SAMD3: variants seen among roughly 807,000 people sequenced by gnomAD.
SAMD3 encodes sterile alpha motif domain-containing protein 3.
In SAMD3, 63 loss-of-function variants were observed where a neutral mutation model predicts 58.5. That is an observed-to-expected ratio of 1.08 (90% CI 0.88 to 1.33). The LOEUF (loss-of-function observed/expected upper bound fraction) is 1.33, where lower values mean the gene tolerates loss of function less well. SAMD3 is among the 40% of genes most tolerant of loss of function. The pLI, the probability that SAMD3 is intolerant of heterozygous loss-of-function variation, is 0.00. For missense variants in SAMD3, 604 were observed against 608.4 expected, an observed-to-expected ratio of 0.99 and a Z score of 0.08; for synonymous variants, 220 against 210.3, an observed-to-expected ratio of 1.05 and a Z score of -0.40.
chr6:130,181,462 A>G (rs975004210), intron 7 of SAMD3, among the ~76,000 whole-genome samples: 3 of 152,202 alleles, frequency 2.0e-5, no homozygotes, highest in African/African-American at 7.2e-5. Flanking sequence ...CTTCTACTCT[A>G]TGAGTGCAAA....
rs147287821 is a variant in SAMD3, at chr6:130,176,243, A to G, written c.655-235T>C. On this transcript the variant is annotated intron_variant, in intron 7 of 11. Coordinates refer to ENST00000439090, the MANE Select transcript of SAMD3 (RefSeq NM_001017373.4). ...GGTAAGCAGACAAAGTCACAGAAAT[A>G]TAAATCTTTTCCCAATGTCATATGG... is the stretch of plus-strand genomic sequence containing the variant. The G allele has an allele frequency of 7.2e-4, 399 of 553,650 alleles. 2 individuals carry two copies. Among genetic ancestry groups the G allele is most frequent in the African/African-American group, 6.9e-3 (363 of 52,834 alleles). The allele number at this position is 553,650 out of a possible 1,614,324, so 34.3% of individuals were successfully genotyped here. A position where few individuals can be genotyped will look rare whatever the true frequency, so the allele number is the denominator to read the frequency against.
upstream of SAMD3, chr6:130,365,442 T>C (rs1583161899): frequency 1.0e-6 from 1 of 985,514 alleles, no homozygotes. Context: ...AGGTTTGGTT[T>C]AGCTCGCGCA....
rs9492517 is a variant in SAMD3, at chr6:130,265,404, G to A, written c.-187-42591C>T. Among the ~76,000 whole-genome samples the A allele has an allele frequency of 9.1e-3, 1,392 of 152,204 alleles. 19 individuals are homozygous for A. Among genetic ancestry groups the A allele is most frequent in the African/African-American group, 0.031 (1,303 of 41,520 alleles). ...CCTGGAAGCTGACTGGTCCATGCAC[G>A]GCCGAAGCATGAGGAAACTCATCAC... On this transcript the variant is annotated intron_variant, in intron 2 of 13. Coordinates refer to the SAMD3 transcript ENST00000368134.
intron 2 of SAMD3, among the ~76,000 whole-genome samples, chr6:130,234,971 C>G (rs1020939737): frequency 1.3e-5 from 2 of 152,034 alleles, no homozygotes; most frequent in Admixed American, 1.3e-4. Context: ...ATAAATTAGC[C>G]AGGCATGGTG....
chr6:130,310,178 C>T (rs917959613), intron 2 of SAMD3, among the ~76,000 whole-genome samples: 2 of 152,102 alleles, frequency 1.3e-5, no homozygotes, highest in African/African-American at 4.8e-5. Context: ...AAACAGAATC[C>T]GTTTCAACTG....
intron 2 of SAMD3, among the ~76,000 whole-genome samples, chr6:130,247,208 G>A (rs1001763080): frequency 4.6e-5 from 7 of 152,124 alleles, no homozygotes; most frequent in African/African-American, 1.4e-4. Context: ...GGTGGCTCAC[G>A]CCCGTAATCC....
chr6:130,352,060 T>C (rs138766486), intron 1 of SAMD3, among the ~76,000 whole-genome samples: 59 of 106,254 alleles, frequency 5.6e-4, no homozygotes, highest in African/African-American at 2.1e-3. Flanking sequence ...CCATGGTCTG[T>C]TGTGTGTTGG....
At chr6:130,294,482 G>A (rs1350108951) in intron 2 of SAMD3, among the ~76,000 whole-genome samples, 2 of 151,952 alleles carry the variant, frequency 1.3e-5, no homozygotes, top group Admixed American at 6.6e-5. Context: ...TCAGAAGGAG[G>A]GTTAATGATT....
chr6:130,324,209 T>C (rs956714684), intron 1 of SAMD3, among the ~76,000 whole-genome samples: 1 of 152,248 alleles, frequency 6.6e-6, no homozygotes, highest in Non-Finnish European at 1.5e-5. Flanking sequence ...AATACTGATC[T>C]AGGATAGCAG....
At chr6:130,194,989 G>A (rs927588599) in intron 5 of SAMD3, among the ~76,000 whole-genome samples, 5 of 151,952 alleles carry the variant, frequency 3.3e-5, no homozygotes, top group African/African-American at 1.2e-4. Context: ...TGTGGGTATT[G>A]GCGGCCAGGC....
rs1057343011 is a variant in SAMD3 at position 130,283,942 on chromosome 6, A to G, written c.-188+29036T>C. ...CCACAACCTCTGCCTCCCAGGTTCCAGTGATTCTCCTTCCTCAGCCTCCCA... is the reference window on the plus strand; with the variant it reads ...CCACAACCTCTGCCTCCCAGGTTCCGGTGATTCTCCTTCCTCAGCCTCCCA... On this transcript the variant is annotated intron_variant, in intron 2 of 13. Transcript: ENST00000368134. 5.3e-5 allele frequency among the ~76,000 whole-genome samples: 8 copies of G among 152,258 alleles called. No individual in the cohort carries two copies. In the Middle Eastern group the frequency reaches 0.01, roughly 194 times the overall value.
At chr6:130,218,443 A>G (rs78460744) in intron 1 of SAMD3, among the ~76,000 whole-genome samples, 2 of 152,294 alleles carry the variant, frequency 1.3e-5, no homozygotes, top group East Asian at 3.9e-4. Context: ...CTCATCCACT[A>G]TGGCCTGATG....
intron 1 of SAMD3, among the ~76,000 whole-genome samples, chr6:130,325,827 C>T (rs1776740932): frequency 6.6e-6 from 1 of 152,166 alleles, no homozygotes; most frequent in South Asian, 2.1e-4. Flanking sequence ...ATCCTCTCCT[C>T]CCACAGTAAT....
intron 9 of SAMD3, among the ~76,000 whole-genome samples, chr6:130,149,673 G>A (rs1252465038): frequency 1.3e-5 from 2 of 152,158 alleles, no homozygotes; most frequent in Non-Finnish European, 2.9e-5. Flanking sequence ...AGTACACATG[G>A]ACACAAAGAA....
intron 4 of SAMD3, among the ~76,000 whole-genome samples, chr6:130,211,276 ATTTTT>A (rs762531402): frequency 8.5e-5 from 8 of 93,846 alleles, no homozygotes; most frequent in African/African-American, 3.0e-4. Flanking sequence ...GCCAATCAGA[ATTTTT>A]TTTTTTTTTT....
intron 2 of SAMD3, among the ~76,000 whole-genome samples, chr6:130,246,127 A>C (rs140652040): frequency 0.025 from 3,818 of 152,336 alleles, 66 homozygotes; most frequent in Non-Finnish European, 0.039. Context: ...TCAGAAGTTC[A>C]TAGAACAATT....
intron 2 of SAMD3, among the ~76,000 whole-genome samples, chr6:130,297,030 C>G (rs62433889): frequency 0.17 from 25,659 of 152,148 alleles, 2,426 homozygotes; most frequent in East Asian, 0.36. Flanking sequence ...GTCCACCTGA[C>G]GACAAGCCAG....
chr6:130,327,667 G>A (rs778460758), intron 1 of SAMD3, among the ~76,000 whole-genome samples: 3 of 152,128 alleles, frequency 2.0e-5, no homozygotes, highest in African/African-American at 7.2e-5. Context: ...TTGACAGCTG[G>A]TATTTACAAT....
intron 5 of SAMD3, among the ~76,000 whole-genome samples, chr6:130,192,172 A>G (rs1160147757): frequency 6.6e-6 from 1 of 152,226 alleles, no homozygotes; most frequent in Non-Finnish European, 1.5e-5. Flanking sequence ...TGAATGAAAT[A>G]GTTTGTGACA....
Sources: gnomAD v4.1 joint callset for allele counts (sites outside exome capture counted in the v4.1 genomes callset) on GRCh38, gnomAD v4.1.1 for gene constraint, MANE v1.5 for transcripts, NCBI Gene and HGNC (gene_info 2026-07-23, HGNC 2026-07-21) for gene names.